Variants in RIMS2 observed in about 807,000 individuals in gnomAD.
RIMS2 encodes regulating synaptic membrane exocytosis protein 2.
A neutral mutation model predicts 174.4 loss-of-function variants in RIMS2; 59 were observed. The ratio of observed to expected loss-of-function variants is 0.34; its 90% confidence interval spans 0.27 to 0.42. The LOEUF (loss-of-function observed/expected upper bound fraction) is 0.42. Ranked by LOEUF, RIMS2 falls within the 10% of genes least tolerant of loss-of-function variation. The pLI is 1.00. For missense variants in RIMS2, 1,620 were observed against 1,666.3 expected (o/e 0.97, Z 0.48); for synonymous variants, 606 against 572.5 (o/e 1.06, Z -0.84).
chr8:103,742,618 A>G (rs937828442), intron 2 of RIMS2, among the ~76,000 whole-genome samples: 5 of 152,192 alleles, frequency 3.3e-5, no homozygotes, highest in African/African-American at 9.6e-5. Context: ...ATATTAATTT[A>G]TAAAAGCTCT....
At chr8:103,720,772 A>C (rs2097436179) in intron 2 of RIMS2, among the ~76,000 whole-genome samples, 1 of 152,244 alleles carries the variant, frequency 6.6e-6, no homozygotes, top group Admixed American at 6.5e-5. Flanking sequence ...CTAGAAGGCT[A>C]GAAGAGTTTT....
At chr8:104,249,972 G>A (rs539487235) in intron 22 of RIMS2, among the ~76,000 whole-genome samples, 1 of 152,192 alleles carries the variant, frequency 6.6e-6, no homozygotes, top group Admixed American at 6.5e-5. Flanking sequence ...TAAGTCTCTG[G>A]AATTAGAATA....
chr8:103,955,958 C>T (rs2087040314), intron 14 of RIMS2, among the ~76,000 whole-genome samples: 1 of 152,054 alleles, frequency 6.6e-6, no homozygotes, highest in Admixed American at 6.6e-5. Context: ...ACACTAATAA[C>T]AGACAAACAT....
At chr8:104,067,924 C>A (rs934950581) in intron 19 of RIMS2, among the ~76,000 whole-genome samples, 10 of 152,084 alleles carry the variant, frequency 6.6e-5, no homozygotes, top group African/African-American at 2.2e-4. Flanking sequence ...ATACTTTGTG[C>A]CTTTACTGGC....
At chr8:104,071,379 T>C (rs1426620989) in intron 19 of RIMS2, among the ~76,000 whole-genome samples, 2 of 152,172 alleles carry the variant, frequency 1.3e-5, no homozygotes, top group Non-Finnish European at 2.9e-5. Context: ...AATGCAATTG[T>C]CTGGGGCCCC....
At chr8:104,032,298 A>G (rs1331879243) in intron 19 of RIMS2, among the ~76,000 whole-genome samples, 1 of 152,108 alleles carries the variant, frequency 6.6e-6, no homozygotes, top group African/African-American at 2.4e-5. Context: ...TGTGAATTCA[A>G]TAAGGAGTCT....
intron 19 of RIMS2, among the ~76,000 whole-genome samples, chr8:104,151,571 C>T (rs2098689707): frequency 8.3e-6 from 1 of 120,536 alleles, no homozygotes; most frequent in African/African-American, 3.0e-5. Flanking sequence ...CTGTCCTGCA[C>T]TCCCCCAACT....
At position 103,500,928 on chromosome 8, in the gene RIMS2, C is replaced by A. The variant is rs78505067; in HGVS notation, c.42C>A (p.Ile14=). ...GGCCCCGGGGCCGCCTGGCTCCCATCCCGGCGGCCTCTCAGCCGCCTCTGC... is the reference window on the plus strand; with the variant it reads ...GGCCCCGGGGCCGCCTGGCTCCCATACCGGCGGCCTCTCAGCCGCCTCTGC... Residue 14 remains isoleucine (I), a synonymous_variant, in exon 1 of 24, where the codon ATC becomes ATA. Transcript: ENST00000504942. The A allele has an allele frequency of 1.2e-3, 1,978 of 1,608,064 alleles. 28 individuals carry two copies. The African/African-American group carries it at 0.024, about 19-fold the overall frequency.
chr8:103,551,808 C>G (rs1397219083), intron 1 of RIMS2, among the ~76,000 whole-genome samples: 3 of 152,036 alleles, frequency 2.0e-5, no homozygotes, highest in Non-Finnish European at 4.4e-5. Flanking sequence ...AAACCAATAA[C>G]AGACAAACAG....
At chr8:103,863,909 TTTG>T (rs2099072032) in intron 3 of RIMS2, among the ~76,000 whole-genome samples, 1 of 58,856 alleles carries the variant, frequency 1.7e-5, no homozygotes, top group Non-Finnish European at 3.5e-5. Context: ...GTTTTTTTTG[TTTG>T]TTTGTTTGTT....
intron 19 of RIMS2, among the ~76,000 whole-genome samples, chr8:104,056,236 C>A (rs762367582): frequency 1.3e-5 from 2 of 151,872 alleles, no homozygotes; most frequent in Non-Finnish European, 2.9e-5. Context: ...AACCCTGAAT[C>A]TACTAAAAAT....
intron 1 of RIMS2, among the ~76,000 whole-genome samples, chr8:103,619,658 A>G (rs1054541537): frequency 2.0e-5 from 3 of 152,240 alleles, no homozygotes; most frequent in African/African-American, 7.2e-5. Flanking sequence ...ATAGAGAAAG[A>G]CTTCTACTCT....
chr8:103,780,786 A>G (rs940424963), intron 3 of RIMS2, among the ~76,000 whole-genome samples: 3 of 151,616 alleles, frequency 2.0e-5, no homozygotes, highest in African/African-American at 7.3e-5. Flanking sequence ...CCTGTTTGCT[A>G]TTGCTTCTTG....
At chr8:103,582,198 C>T (rs1469046832) in intron 1 of RIMS2, among the ~76,000 whole-genome samples, 2 of 152,010 alleles carry the variant, frequency 1.3e-5, no homozygotes, top group Non-Finnish European at 2.9e-5. Flanking sequence ...ATGGAACCCA[C>T]TGCCTTGAAG....
intron 3 of RIMS2, among the ~76,000 whole-genome samples, chr8:103,822,578 A>C (rs181423734): frequency 6.6e-6 from 1 of 151,866 alleles, no homozygotes; most frequent in Non-Finnish European, 1.5e-5. Context: ...CCTTATTTTC[A>C]TACTGAAAGT....
At chr8:103,740,746 C>G (rs1212700583) in intron 2 of RIMS2, among the ~76,000 whole-genome samples, 8 of 152,102 alleles carry the variant, frequency 5.3e-5, no homozygotes, top group Admixed American at 5.2e-4. Flanking sequence ...TACAGTAAAA[C>G]TGTTACAGCC....
intron 1 of RIMS2, among the ~76,000 whole-genome samples, chr8:103,550,990 T>A (rs953598944): frequency 3.3e-5 from 5 of 152,166 alleles, no homozygotes; most frequent in Non-Finnish European, 7.4e-5. Flanking sequence ...CAGGACCAGA[T>A]GGATTCACAG....
At chr8:104,077,198 G>A (rs532439321) in intron 19 of RIMS2, among the ~76,000 whole-genome samples, 4 of 152,196 alleles carry the variant, frequency 2.6e-5, no homozygotes, top group South Asian at 4.2e-4. Flanking sequence ...ATCAGTAAAC[G>A]TTAGCTGTGA....
chr8:103,956,389 G>C (rs1041725100), intron 14 of RIMS2, among the ~76,000 whole-genome samples: 1 of 152,148 alleles, frequency 6.6e-6, no homozygotes, highest in Non-Finnish European at 1.5e-5. Flanking sequence ...CATGGCACTG[G>C]TACCAAAACA....
Sources: gnomAD v4.1 joint callset for allele counts (sites outside exome capture counted in the v4.1 genomes callset) on GRCh38, gnomAD v4.1.1 for gene constraint, MANE v1.5 for transcripts, NCBI Gene and HGNC (gene_info 2026-07-23, HGNC 2026-07-21) for gene names.